The following CILK1 variants were observed in gnomAD, a reference collection of about 807,000 sequenced individuals.
CILK1 encodes ciliogenesis associated kinase 1.
Under a neutral mutation model 79.2 loss-of-function variants are expected in CILK1, and 47 were observed. That is an observed-to-expected ratio of 0.59 (90% CI 0.47 to 0.76). The LOEUF is 0.76. CILK1 is among the 30% of genes least tolerant of loss of function. CILK1 has a pLI of 0.00. For missense variants in CILK1, 660 were observed against 769.5 expected, an observed-to-expected ratio of 0.86 and a Z score of 1.68; for synonymous variants, 266 against 275.9, an observed-to-expected ratio of 0.96 and a Z score of 0.36.
intron 2 of CILK1, among the ~76,000 whole-genome samples, chr6:53,039,336 C>T (rs1766557294): frequency 6.6e-6 from 1 of 152,192 alleles, no homozygotes; most frequent in South Asian, 2.1e-4. Flanking sequence ...ATTTGTAGGT[C>T]ACATAAACAT....
Position 53,038,002 on chromosome 6 carries a change from GAAGA to G in CILK1, c.102-13_102-10del, listed in dbSNP as rs1385092147. On this transcript the variant is annotated splice_polypyrimidine_tract_variant and intron_variant, in intron 2 of 13. Transcript: ENST00000676107. Reference sequence around the variant, plus strand: ...AAAATTTTCTTTTCATTCTAGAAGAGAAGAAAGAAACAAACAGCACACTTATTCT... The same window carrying G: ...AAAATTTTCTTTTCATTCTAGAAGAGAAGAAACAAACAGCACACTTATTCT... The G allele has an allele frequency of 3.8e-6, 6 of 1,587,278 alleles. No homozygotes were observed. The African/African-American group carries it at 6.7e-5, about 18-fold the overall frequency.
chr6:53,021,893 C>A (rs182137630), intron 5 of CILK1, among the ~76,000 whole-genome samples: 1 of 151,858 alleles, frequency 6.6e-6, no homozygotes, highest in Non-Finnish European at 1.5e-5. Context: ...CAGCTCCCTG[C>A]GTATTATTGC....
At chr6:53,018,170 G>T (rs781651617) in intron 7 of CILK1, among the ~76,000 whole-genome samples, 160 bp downstream of exon 7, 12 of 152,184 alleles carry the variant, frequency 7.9e-5, no homozygotes, top group Non-Finnish European at 1.2e-4. Context: ...AAGAGAAGCC[G>T]ACCGTATCTG....
chr6:53,059,940 C>T (rs781331582), intron 1 of CILK1, among the ~76,000 whole-genome samples: 4 of 152,036 alleles, frequency 2.6e-5, no homozygotes, highest in Non-Finnish European at 4.4e-5. Flanking sequence ...TGCAGTACTG[C>T]AGGAGTGGAA....
intron 7 of CILK1, among the ~76,000 whole-genome samples, chr6:53,017,289 A>G (rs1423396560): frequency 6.6e-6 from 1 of 152,198 alleles, no homozygotes; most frequent in Non-Finnish European, 1.5e-5. Context: ...CCTTGTCCTG[A>G]GTGAGCTTAT....
intron 1 of CILK1, among the ~76,000 whole-genome samples, chr6:53,044,098 C>G (rs1180355205): frequency 6.6e-6 from 1 of 152,054 alleles, no homozygotes. Flanking sequence ...CAGGTTTTGA[C>G]TGGATTCTGT....
In CILK1 at chr6:53,031,056, A is replaced by G. The variant is rs1765927309; in HGVS notation, c.358+9T>C. 1.3e-6 allele frequency: 2 copies of G among 1,558,728 alleles called. No homozygotes were observed. Among genetic ancestry groups the G allele is most frequent in the Non-Finnish European group, 1.8e-6 (2 of 1,129,688 alleles). The stretch of plus-strand genomic sequence containing the variant: ...GCTCTTCAAAAGCACAACACTCCGA[A>G]TCACCTACCGTGTTTGTGAATAAAT... On this transcript the variant is annotated intron_variant, in intron 5 of 13. Coordinates refer to ENST00000676107, the MANE Select transcript of CILK1 (RefSeq NM_014920.5).
intron 1 of CILK1, among the ~76,000 whole-genome samples, chr6:53,046,890 G>C (rs1767114082): frequency 6.6e-6 from 1 of 152,132 alleles, no homozygotes; most frequent in Admixed American, 6.5e-5. Flanking sequence ...CAGAGAAGAG[G>C]TAGTATTGAG....
rs201296876 is a variant in CILK1 at position 53,024,854 on chromosome 6, GAC to G, written c.359-5497_359-5496del. On this transcript the variant is annotated intron_variant, in intron 5 of 13. Transcript: ENST00000676107. Reference sequence around the variant, plus strand: ...AAATCTTTTTTTTTTTTTTTTGTAAGACAGAGTCTTGCTGGTCGCCCAGGCTG... The same window carrying G: ...AAATCTTTTTTTTTTTTTTTTGTAAGAGAGTCTTGCTGGTCGCCCAGGCTG... 8.3e-3 allele frequency among the ~76,000 whole-genome samples: 971 copies of G among 116,934 alleles called. 17 individuals carry two copies. Among genetic ancestry groups the G allele is most frequent in the African/African-American group, 0.029 (917 of 31,868 alleles). 76.7% of individuals were successfully genotyped at this position (116,934 alleles called of 152,430 possible). A position where few individuals can be genotyped will look rare whatever the true frequency, so the allele number is the denominator to read the frequency against.
intron 1 of CILK1, among the ~76,000 whole-genome samples, chr6:53,044,316 G>A (rs1322867402): frequency 6.6e-6 from 1 of 152,192 alleles, no homozygotes; most frequent in Non-Finnish European, 1.5e-5. Context: ...CCCATGGGAG[G>A]GATCTAGGTT....
chr6:53,010,055 C>T (rs1013547200), intron 11 of CILK1, among the ~76,000 whole-genome samples: 1 of 152,146 alleles, frequency 6.6e-6, no homozygotes, highest in Non-Finnish European at 1.5e-5. Flanking sequence ...TTAAATTCCC[C>T]CTTTATCCTT....
chr6:53,061,766 G>T lies in CILK1; in HGVS notation c.-343C>A, dbSNP rs979326421. 6.6e-6 allele frequency: 1 copy of T among 152,258 alleles called. No homozygotes were observed. Among genetic ancestry groups the T allele is most frequent in the African/African-American group, 2.4e-5 (1 of 41,452 alleles). 9.4% of individuals were successfully genotyped at this position (152,258 alleles called of 1,614,324 possible). On this transcript the variant is annotated 5_prime_UTR_variant, in exon 1 of 14. Coordinates refer to ENST00000676107, the MANE Select transcript of CILK1 (RefSeq NM_014920.5). ...GTCCGGCGAGTCGCACGGGCCGCAC[G>T]GCGCATGGTAGTGCAGCAGGAACCC... is the stretch of plus-strand genomic sequence containing the variant.
chr6:53,054,630 C>A, intron 1 of CILK1: 1 of 152,534 alleles, frequency 6.6e-6, no homozygotes, highest in Non-Finnish European at 1.5e-5. Flanking sequence ...ATGACTGAGT[C>A]TCAGAGGATC....
At chr6:53,009,742 A>C (rs1268003229) in intron 11 of CILK1, among the ~76,000 whole-genome samples, 175 bp from the exon 12 acceptor site, 1 of 152,216 alleles carries the variant, frequency 6.6e-6, no homozygotes, top group Non-Finnish European at 1.5e-5. Context: ...AAGATATCTC[A>C]CTGGTTGGTG....
At chr6:53,060,721 T>C (rs1443735470) in intron 1 of CILK1, among the ~76,000 whole-genome samples, 2 of 152,264 alleles carry the variant, frequency 1.3e-5, no homozygotes, top group African/African-American at 4.8e-5. Context: ...ACACAAATTC[T>C]TCTTAATAAT....
At position 53,001,491 on chromosome 6, in the gene CILK1, G is replaced by A. The variant is rs577828044; in HGVS notation, c.*3658C>T. 7 of 152,672 alleles carry A rather than the reference G, an allele frequency of 4.6e-5. No individual in the cohort carries two copies. The East Asian group carries it at 1.2e-3, about 25-fold the overall frequency. 9.5% of individuals were successfully genotyped at this position (152,672 alleles called of 1,614,324 possible). On this transcript the variant is annotated 3_prime_UTR_variant, in exon 14 of 14. Coordinates refer to ENST00000676107, the MANE Select transcript of CILK1 (RefSeq NM_014920.5). ...TGCTTTATAAATAAATATATTGTCG[G>A]TTACTCCATTGTAATCAAATCAGCT...
At chr6:53,055,676 G>A (rs948871802) in intron 1 of CILK1, among the ~76,000 whole-genome samples, 3 of 151,990 alleles carry the variant, frequency 2.0e-5, no homozygotes, top group East Asian at 1.9e-4. Flanking sequence ...AAAAGAACTC[G>A]TCCTGCACTA....
At chr6:53,035,766 C>A (rs1766289574) in intron 3 of CILK1, among the ~76,000 whole-genome samples, 2 of 152,278 alleles carry the variant, frequency 1.3e-5, no homozygotes, top group African/African-American at 4.8e-5. Flanking sequence ...TGATAAGAGG[C>A]CTTCAGTGAC....
At chr6:53,058,733 A>G (rs1768148053) in intron 1 of CILK1, among the ~76,000 whole-genome samples, 1 of 152,120 alleles carries the variant, frequency 6.6e-6, no homozygotes, top group Admixed American at 6.6e-5. Flanking sequence ...AGATCAACAT[A>G]CACAGAGAGG....
Sources: allele counts gnomAD v4.1 joint callset (sites outside exome capture counted in the v4.1 genomes callset), GRCh38; gene constraint gnomAD v4.1.1; transcripts MANE v1.5; gene names NCBI Gene and HGNC (gene_info 2026-07-23, HGNC 2026-07-21).